Variants in LAMB1 observed in about 807,000 individuals in gnomAD.
LAMB1 encodes laminin subunit beta 1.
In LAMB1, 121 loss-of-function variants were observed where a neutral mutation model predicts 222.3. That is an observed-to-expected ratio of 0.54 (90% CI 0.47 to 0.63). LAMB1 has a LOEUF of 0.63. Ranked by LOEUF, LAMB1 falls within the 30% of genes least tolerant of loss-of-function variation. The pLI is 0.00. For synonymous variants in LAMB1, 794 were observed against 807.2 expected, an observed-to-expected ratio of 0.98 and a Z score of 0.28; for missense variants, 2,172 against 2,240.8, an observed-to-expected ratio of 0.97 and a Z score of 0.62.
At chr7:107,990,935 T>C (rs2034169944) in intron 5 of LAMB1, among the ~76,000 whole-genome samples, 1 of 152,214 alleles carries the variant, frequency 6.6e-6, no homozygotes, top group South Asian at 2.1e-4. Flanking sequence ...CATTAATGCT[T>C]CATCAATGCT....
chr7:107,975,339 T>C lies in LAMB1; in HGVS notation c.1264A>G (p.Ile422Val). 6.2e-7 allele frequency: 1 copy of C among 1,613,692 alleles called. No individual in the cohort carries two copies. The highest frequency in any genetic ancestry group is 8.5e-7 in the Non-Finnish European group (1 of 1,179,622). The change falls in exon 11 of 34, where the codon ATT becomes GTT. Residue 422 changes from isoleucine (I) to valine (V), a missense_variant. By Grantham distance (29) the Ile-to-Val change is conservative. Transcript: ENST00000222399. Reference protein sequence around the residue: ...DSYTDFSTGLIAGQCRCKLNV... With the variant: ...DSYTDFSTGLVAGQCRCKLNV... ...AATTTACACCGACACTGGCCAGCAA[T>C]GAGACCAGTAGAAAAATCAGTATAG...
chr7:107,994,465 C>A (rs149869278), intron 5 of LAMB1, among the ~76,000 whole-genome samples: 16 of 152,226 alleles, frequency 1.1e-4, no homozygotes, highest in African/African-American at 2.9e-4. Context: ...CAGATTGAAT[C>A]TGCTCACAAA....
At chr7:107,974,755 G>T (rs1463769880) in intron 12 of LAMB1, among the ~76,000 whole-genome samples, 2 of 152,142 alleles carry the variant, frequency 1.3e-5, no homozygotes, top group Non-Finnish European at 2.9e-5. Flanking sequence ...TGTGTTAATT[G>T]TGTCTATAAA....
Position 107,964,525 on chromosome 7 carries a change from C to T in LAMB1, c.1698+27G>A, listed in dbSNP as rs760979860. ...ACTACACCCCAAAACACTGCTTTACCGACCTGCCACACACTCCCCTACTCA... is the reference window on the plus strand; with the variant it reads ...ACTACACCCCAAAACACTGCTTTACTGACCTGCCACACACTCCCCTACTCA... On this transcript the variant is annotated intron_variant, in intron 14 of 33. Coordinates refer to ENST00000222399, the MANE Select transcript of LAMB1 (RefSeq NM_002291.3). 143 of 1,613,648 alleles carry T rather than the reference C, an allele frequency of 8.9e-5. 1 individual carries two copies. Among genetic ancestry groups the T allele is most frequent in the Admixed American group, 1.2e-4 (7 of 59,998 alleles).
chr7:107,995,962 A>T (rs2034274227), intron 4 of LAMB1, among the ~76,000 whole-genome samples: 2 of 152,180 alleles, frequency 1.3e-5, no homozygotes, highest in African/African-American at 4.8e-5. Flanking sequence ...GGGGGTGAGG[A>T]AAGTGGTCAT....
intron 1 of LAMB1, 37 bp from the exon 2 acceptor site, chr7:108,003,008 T>G: frequency 1.3e-6 from 2 of 1,530,096 alleles, no homozygotes; most frequent in Non-Finnish European, 1.7e-6. Context: ...AAGGCAAATG[T>G]TCAAAGAGAG....
intron 8 of LAMB1, 103 bp from the exon 9 acceptor site, chr7:107,978,270 TC>T: frequency 7.8e-7 from 1 of 1,283,220 alleles, no homozygotes; most frequent in Non-Finnish European, 1.1e-6. Context: ...CATACTAATC[TC>T]TAGCTCACCA....
chr7:107,974,849 T>C, intron 12 of LAMB1, 137 bp downstream of exon 12: 3 of 595,582 alleles, frequency 5.0e-6, no homozygotes, highest in Non-Finnish European at 9.1e-6. Flanking sequence ...TAATTCCTAT[T>C]GTGTGCATTG....
Position 107,964,649 on chromosome 7 carries a change from T to C in LAMB1, c.1601A>G (p.His534Arg). The change falls in exon 14 of 34, where the codon CAC (histidine) becomes CGC (arginine). Residue 534 changes from histidine to arginine, a missense_variant. His to Arg is a conservative substitution (Grantham distance 29). Transcript: ENST00000222399. ...TTCGTTGCACTGACGTCCAATCATG[T>C]GAGGCCGGCATGAGCACTGGCCTGA... ...AESGQCSCRP[H>R]MIGRQCNEVE... 6.2e-7 allele frequency: 1 copy of C among 1,614,170 alleles called. No homozygotes were observed. The highest frequency in any genetic ancestry group is 8.5e-7 in the Non-Finnish European group (1 of 1,180,020).
chr7:107,931,358 G>T lies in LAMB1; in HGVS notation c.4535C>A (p.Thr1512Asn), dbSNP rs1410036779. The T allele has an allele frequency of 5.0e-6, 8 of 1,611,952 alleles. No homozygotes were observed. Among genetic ancestry groups the T allele is most frequent in the South Asian group, 1.1e-5 (1 of 90,642 alleles). Residue 1512 changes from threonine (T) to asparagine (N), a missense_variant and splice_region_variant, in exon 29 of 34, where the codon ACC (threonine) becomes AAC (asparagine). Transcript: ENST00000222399. The part of the protein sequence containing the change: ...NLIKQIRNFL[T>N]QDSADLDSIE... Reference sequence around the variant, plus strand: ...AGTAAAATGAAAAAATTTCTTACGGGTCAAAAAGTTTCTGATTTGCTTGAT... The same window carrying T: ...AGTAAAATGAAAAAATTTCTTACGGTTCAAAAAGTTTCTGATTTGCTTGAT...
intron 22 of LAMB1, 77 bp downstream of exon 22, chr7:107,953,453 G>A (rs945548701): frequency 1.9e-6 from 2 of 1,075,008 alleles, no homozygotes; most frequent in Non-Finnish European, 1.4e-6. Context: ...ATAAATACAG[G>A]AAGAATAAAA....
intron 24 of LAMB1, among the ~76,000 whole-genome samples, chr7:107,947,712 T>G (rs2033147432): frequency 1.3e-5 from 2 of 152,216 alleles, no homozygotes. Context: ...GGTTATGAGC[T>G]TTCTCCAAAG....
chr7:107,952,964 A>C (rs2033291480), intron 22 of LAMB1, among the ~76,000 whole-genome samples: 1 of 152,200 alleles, frequency 6.6e-6, no homozygotes, highest in African/African-American at 2.4e-5. Context: ...GCCATTTATC[A>C]TGGGGACAGC....
chr7:107,972,447 C>T (rs1013243374), intron 13 of LAMB1, among the ~76,000 whole-genome samples: 1 of 152,156 alleles, frequency 6.6e-6, no homozygotes, highest in South Asian at 2.1e-4. Context: ...GGTTAAACTC[C>T]CACAGATTTA....
At chr7:107,939,437 G>GA (rs1294430553) in intron 25 of LAMB1, among the ~76,000 whole-genome samples, 2 of 152,148 alleles carry the variant, frequency 1.3e-5, no homozygotes, top group Admixed American at 6.5e-5. Context: ...CGGAGAAGCA[G>GA]AAAAAACTTG....
In LAMB1 at chr7:107,951,901, G is replaced by A. The variant is rs576162336; in HGVS notation, c.3294+108C>T. On this transcript the variant is annotated intron_variant, in intron 23 of 33. Coordinates refer to ENST00000222399, the MANE Select transcript of LAMB1 (RefSeq NM_002291.3). The stretch of plus-strand genomic sequence containing the variant: ...AAATGAGGGCTAAGATCCAGGCCAC[G>A]CTGTGTTTCAAGCTGTGTGCCCTGG... 145 of 895,288 alleles carry A rather than the reference G, an allele frequency of 1.6e-4. 2 individuals carry two copies. In the South Asian group the frequency reaches 1.7e-3, roughly 10 times the overall value. 55.5% of individuals were successfully genotyped at this position (895,288 alleles called of 1,614,324 possible). A position where few individuals can be genotyped will look rare whatever the true frequency, so the allele number is the denominator to read the frequency against.
At chr7:107,940,546 A>AC in intron 24 of LAMB1, 188 bp from the exon 25 acceptor site, 1 of 599,336 alleles carries the variant, frequency 1.7e-6, no homozygotes, top group Middle Eastern at 4.5e-4. Flanking sequence ...GTGGTTGCTA[A>AC]CCCCTTCTTA....
chr7:107,980,700 T>C lies in LAMB1; in HGVS notation c.788A>G (p.Tyr263Cys), dbSNP rs772137490. ...GCAATTTCCTCGAACCACCATATCA[T>C]AAACTGCATAATAATACTTTTCTCT... ...EIREKYYYAV[Y>C]DMVVRGNCFC... Residue 263 changes from tyrosine to cysteine, a missense_variant, in exon 8 of 34, where the codon TAT (tyrosine) becomes TGT (cysteine). Coordinates refer to ENST00000222399, the MANE Select transcript of LAMB1 (RefSeq NM_002291.3). The C allele has an allele frequency of 1.2e-6, 2 of 1,613,732 alleles. No individual in the cohort carries two copies. The highest frequency in any genetic ancestry group is 3.3e-5 in the Admixed American group (2 of 59,992).
intron 2 of LAMB1, chr7:108,002,492 A>C (rs2034410862): frequency 1.7e-6 from 2 of 1,176,030 alleles, no homozygotes; most frequent in Admixed American, 6.5e-5. Flanking sequence ...TGGGCAATGG[A>C]TTTTTGGAGA....
Sources: gnomAD v4.1 joint callset for allele counts (sites outside exome capture counted in the v4.1 genomes callset) on GRCh38, gnomAD v4.1.1 for gene constraint, MANE v1.5 for transcripts, NCBI Gene and HGNC (gene_info 2026-07-23, HGNC 2026-07-21) for gene names.